C7orf78: variants seen among roughly 807,000 people sequenced by gnomAD.
C7orf78 encodes chromosome 7 open reading frame 78.
the C7orf78 span, among the ~76,000 whole-genome samples, chr7:12,535,157 G>C: frequency 6.6e-6 from 1 of 152,130 alleles, no homozygotes; most frequent in Non-Finnish European, 1.5e-5. Context: ...AAAATAAGAA[G>C]ATAAACAACA....
the C7orf78 span, chr7:12,523,240 A>T: frequency 2.5e-6 from 1 of 398,348 alleles, no homozygotes. Context: ...GGAGGAAAAA[A>T]ATCAGTTTTC....
the C7orf78 span, among the ~76,000 whole-genome samples, chr7:12,508,172 G>C: frequency 6.6e-6 from 1 of 152,132 alleles, no homozygotes; most frequent in South Asian, 2.1e-4. Context: ...TTAGTTTTGT[G>C]ACAGGGCATT....
the C7orf78 span, among the ~76,000 whole-genome samples, chr7:12,504,155 A>G: frequency 1.3e-5 from 2 of 152,208 alleles, no homozygotes; most frequent in African/African-American, 2.4e-5. Flanking sequence ...TTGCTAAGCA[A>G]TTACAAAAGG....
the C7orf78 span, among the ~76,000 whole-genome samples, chr7:12,497,003 TG>T: frequency 6.6e-6 from 1 of 152,300 alleles, no homozygotes; most frequent in Admixed American, 6.5e-5. Flanking sequence ...TGCCACCTGG[TG>T]GCAAACTTTC....
chr7:12,529,886 C>T, the C7orf78 span, among the ~76,000 whole-genome samples: 413 of 152,332 alleles, frequency 2.7e-3, 5 homozygotes, highest in African/African-American at 9.2e-3. Flanking sequence ...CAGTGTGCTC[C>T]GCGCACAGCT....
At chr7:12,508,704 A>T in the C7orf78 span, among the ~76,000 whole-genome samples, 1 of 152,214 alleles carries the variant, frequency 6.6e-6, no homozygotes, top group African/African-American at 2.4e-5. Context: ...ACAGAGGGCC[A>T]GAGAGCAAAG....
the C7orf78 span, among the ~76,000 whole-genome samples, chr7:12,539,539 G>C: frequency 6.6e-6 from 1 of 152,162 alleles, no homozygotes; most frequent in African/African-American, 2.4e-5. Flanking sequence ...GAGAGGGTGA[G>C]AGTAGTTGGT....
the C7orf78 span, among the ~76,000 whole-genome samples, chr7:12,523,691 T>C: frequency 2.0e-5 from 3 of 152,148 alleles, no homozygotes; most frequent in African/African-American, 7.2e-5. Context: ...TAGGCTTTCT[T>C]AGGTTTCAAG....
At chr7:12,502,764 C>G in the C7orf78 span, among the ~76,000 whole-genome samples, 3 of 146,138 alleles carry the variant, frequency 2.1e-5, no homozygotes, top group African/African-American at 7.8e-5. Flanking sequence ...AATCATGCTG[C>G]TATAAAGACA....
At chr7:12,491,928 C>T in the C7orf78 span, 3 of 152,186 alleles carry the variant, frequency 2.0e-5, no homozygotes, top group East Asian at 1.9e-4. Flanking sequence ...TCTGGCCACT[C>T]GGTTATAATA....
At chr7:12,502,477 A>G in the C7orf78 span, among the ~76,000 whole-genome samples, 1 of 151,850 alleles carries the variant, frequency 6.6e-6, no homozygotes, top group Non-Finnish European at 1.5e-5. Context: ...AAAACACATG[A>G]AAAAATGCTC....
chr7:12,522,389 G>A, the C7orf78 span, among the ~76,000 whole-genome samples: 1 of 152,022 alleles, frequency 6.6e-6, no homozygotes, highest in African/African-American at 2.4e-5. Context: ...CAGCAAAAAA[G>A]CAAATGCATG....
the C7orf78 span, among the ~76,000 whole-genome samples, chr7:12,521,930 C>G: frequency 6.6e-6 from 1 of 151,734 alleles, no homozygotes; most frequent in African/African-American, 2.4e-5. Flanking sequence ...TTGTTTTTCT[C>G]TCAATATGGC....
the C7orf78 span, among the ~76,000 whole-genome samples, chr7:12,508,236 G>A: frequency 2.0e-5 from 3 of 152,210 alleles, no homozygotes; most frequent in Non-Finnish European, 2.9e-5. Flanking sequence ...ATATAGGAAT[G>A]AATCTGGCTT....
the C7orf78 span, among the ~76,000 whole-genome samples, chr7:12,485,091 C>T: frequency 2.7e-5 from 4 of 149,924 alleles, no homozygotes; most frequent in African/African-American, 9.8e-5. Context: ...TGCCTGAAAT[C>T]CAAATTATAA....
At chr7:12,517,534 T>A in the C7orf78 span, among the ~76,000 whole-genome samples, 18 of 152,238 alleles carry the variant, frequency 1.2e-4, no homozygotes, top group Non-Finnish European at 2.6e-4. Flanking sequence ...ATCATTTGCT[T>A]TATAGTGTCC....
chr7:12,500,145 A>T, the C7orf78 span, among the ~76,000 whole-genome samples: 15,549 of 143,762 alleles, frequency 0.11, 1,078 homozygotes, highest in Non-Finnish European at 0.14. Flanking sequence ...TCCAAAATTG[A>T]CACCCTAACA....
the C7orf78 span, among the ~76,000 whole-genome samples, chr7:12,518,289 T>C: frequency 1.3e-5 from 2 of 152,168 alleles, no homozygotes; most frequent in African/African-American, 4.8e-5. Context: ...TTTAGCCCCC[T>C]GGGTGGTGTA....
chr7:12,499,180 C>T, the C7orf78 span, among the ~76,000 whole-genome samples: 5 of 152,128 alleles, frequency 3.3e-5, no homozygotes, highest in Admixed American at 2.6e-4. Flanking sequence ...CATCAACTAA[C>T]GAGCAAAATC....
Sources: gnomAD v4.1 joint callset for allele counts (sites outside exome capture counted in the v4.1 genomes callset) on GRCh38, gnomAD v4.1.1 for gene constraint, MANE v1.5 for transcripts, NCBI Gene and HGNC (gene_info 2026-07-23, HGNC 2026-07-21) for gene names.